TMEM178A: variants seen among roughly 807,000 people sequenced by gnomAD.
TMEM178A encodes the protein transmembrane protein 178A.
TMEM178A carries 12 observed loss-of-function variants against 29.1 expected under a neutral mutation model. The ratio of observed to expected loss-of-function variants is 0.41; its 90% CI spans 0.26 to 0.67. TMEM178A has a LOEUF of 0.67. TMEM178A is among the 30% of genes least tolerant of loss of function. TMEM178A has a pLI of 0.29. For synonymous variants in TMEM178A, 210 were observed against 187.2 expected (o/e 1.12, Z -0.99); for missense variants, 366 against 419.1 (o/e 0.87, Z 1.11).
chr2:39,724,463 C>G, the TMEM178A span, among the ~76,000 whole-genome samples: 2 of 152,142 alleles, frequency 1.3e-5, no homozygotes, highest in African/African-American at 4.8e-5. Flanking sequence ...CTTTTATTTC[C>G]TTTATCCAAG....
the TMEM178A span, among the ~76,000 whole-genome samples, chr2:39,733,596 G>T: frequency 1.3e-5 from 2 of 152,104 alleles, no homozygotes; most frequent in African/African-American, 4.8e-5. Flanking sequence ...GAAAGGTGAA[G>T]TCCTTATTTA....
At chr2:39,694,694 T>C (rs1458586971) in intron 1 of TMEM178A, among the ~76,000 whole-genome samples, 2 of 152,202 alleles carry the variant, frequency 1.3e-5, no homozygotes, top group Non-Finnish European at 2.9e-5. Context: ...AGACTTAGTA[T>C]GAAAAAACTA....
intron 3 of TMEM178A, among the ~76,000 whole-genome samples, chr2:39,708,471 T>G (rs1396200210): frequency 1.6e-5 from 2 of 127,510 alleles, no homozygotes; most frequent in Admixed American, 1.0e-4. Flanking sequence ...CAGGCTGGAG[T>G]GCAGTGGCGC....
the TMEM178A span, among the ~76,000 whole-genome samples, chr2:39,733,607 C>T: frequency 8.5e-5 from 13 of 152,226 alleles, no homozygotes; most frequent in East Asian, 2.5e-3. Context: ...TCCTTATTTA[C>T]TTACATATTT....
intron 1 of TMEM178A, among the ~76,000 whole-genome samples, chr2:39,686,022 C>A (rs941144567): frequency 6.6e-6 from 1 of 152,220 alleles, no homozygotes; most frequent in African/African-American, 2.4e-5. Context: ...TTCACCCCTG[C>A]ACATTCGTGC....
intron 1 of TMEM178A, among the ~76,000 whole-genome samples, chr2:39,699,844 A>C (rs1317710854): frequency 1.3e-5 from 2 of 152,124 alleles, no homozygotes; most frequent in African/African-American, 4.8e-5. Context: ...GGTATGTTGT[A>C]ATTTTGTTTT....
chr2:39,688,144 G>A (rs140510835), intron 1 of TMEM178A, among the ~76,000 whole-genome samples: 4 of 152,310 alleles, frequency 2.6e-5, no homozygotes, highest in East Asian at 3.9e-4. Context: ...TCTATGCCTT[G>A]TTTTCCTTAT....
At chr2:39,709,034 T>A (rs1672186283) in intron 3 of TMEM178A, among the ~76,000 whole-genome samples, 1 of 152,236 alleles carries the variant, frequency 6.6e-6, no homozygotes, top group Non-Finnish European at 1.5e-5. Flanking sequence ...TGGAATTCTG[T>A]TATTCAAGTG....
At chr2:39,699,599 G>A (rs1671693339) in intron 1 of TMEM178A, among the ~76,000 whole-genome samples, 2 of 151,912 alleles carry the variant, frequency 1.3e-5, no homozygotes, top group Non-Finnish European at 2.9e-5. Context: ...TAGGACTACA[G>A]GTGCGTGCCA....
the TMEM178A span, among the ~76,000 whole-genome samples, chr2:39,727,068 GAC>G: frequency 6.6e-6 from 1 of 152,036 alleles, no homozygotes; most frequent in Non-Finnish European, 1.5e-5. Flanking sequence ...TGTTTTCCTC[GAC>G]TCAGCTCATT....
intron 1 of TMEM178A, among the ~76,000 whole-genome samples, chr2:39,669,730 A>G (rs1374304363): frequency 6.6e-6 from 1 of 152,244 alleles, no homozygotes; most frequent in African/African-American, 2.4e-5. Context: ...TAGTTTAAAC[A>G]TAGTTATTTT....
chr2:39,700,635 T>C (rs1354715420), intron 1 of TMEM178A, among the ~76,000 whole-genome samples: 1 of 151,944 alleles, frequency 6.6e-6, no homozygotes, highest in Non-Finnish European at 1.5e-5. Flanking sequence ...ATCTCTGCCT[T>C]TTTATTGGAG....
At chr2:39,666,636 T>A (rs1670175347) in intron 1 of TMEM178A, among the ~76,000 whole-genome samples, 1 of 152,124 alleles carries the variant, frequency 6.6e-6, no homozygotes, top group African/African-American at 2.4e-5. Flanking sequence ...CCCGCCTCTG[T>A]CTCCTTCTTT....
At chr2:39,679,178 G>A (rs73927016) in intron 1 of TMEM178A, among the ~76,000 whole-genome samples, 10 of 152,266 alleles carry the variant, frequency 6.6e-5, no homozygotes, top group African/African-American at 1.9e-4. Flanking sequence ...TACCATCCAG[G>A]TTAGTATTGG....
the TMEM178A span, among the ~76,000 whole-genome samples, chr2:39,733,192 G>A: frequency 2.7e-4 from 41 of 152,218 alleles, no homozygotes; most frequent in Admixed American, 2.6e-3. Flanking sequence ...CACCACATCC[G>A]CCCACCTTCC....
intron 1 of TMEM178A, 152 bp from the exon 2 acceptor site, chr2:39,703,929 A>T (rs888238702): frequency 9.8e-6 from 6 of 611,964 alleles, no homozygotes; most frequent in Admixed American, 8.8e-5. Flanking sequence ...TTTAAACATT[A>T]TTTTATGTTT....
chr2:39,712,724 G>A (rs1370297014), intron 3 of TMEM178A, among the ~76,000 whole-genome samples: 1 of 152,076 alleles, frequency 6.6e-6, no homozygotes, highest in South Asian at 2.1e-4. Flanking sequence ...GCTAGGCAGG[G>A]GAGAAGTGGA....
chr2:39,727,182 C>G, the TMEM178A span, among the ~76,000 whole-genome samples: 2 of 152,168 alleles, frequency 1.3e-5, no homozygotes, highest in Non-Finnish European at 2.9e-5. Flanking sequence ...GGCTGGTATC[C>G]TCTTGCTCCT....
At chr2:39,692,022 A>G (rs1166870622) in intron 1 of TMEM178A, among the ~76,000 whole-genome samples, 1 of 152,154 alleles carries the variant, frequency 6.6e-6, no homozygotes, top group Non-Finnish European at 1.5e-5. Context: ...ACATGAATGG[A>G]CCTGGAAGAC....
Sources: allele counts gnomAD v4.1 joint callset (sites outside exome capture counted in the v4.1 genomes callset), GRCh38; gene constraint gnomAD v4.1.1; transcripts MANE v1.5; gene names NCBI Gene and HGNC (gene_info 2026-07-23, HGNC 2026-07-21).